The following POGLUT1 variants were observed in gnomAD, a reference collection of about 807,000 sequenced individuals.
The protein encoded by POGLUT1 is protein O-glucosyltransferase 1.
Under a neutral mutation model 61.3 loss-of-function variants are expected in POGLUT1, and 32 were observed. That is an observed-to-expected ratio of 0.52 (90% CI 0.39 to 0.70). POGLUT1 has a LOEUF of 0.70. Among genes scored for constraint, POGLUT1 ranks in the 30% least tolerant of loss-of-function variants. The probability of loss-of-function intolerance (pLI) is 0.00; values close to 1 mark genes in which losing one functional copy is unlikely to be tolerated. For synonymous variants in POGLUT1, 158 were observed against 158.2 expected, an observed-to-expected ratio of 1.00 and a Z score of 0.01; for missense variants, 411 against 469.8, an observed-to-expected ratio of 0.87 and a Z score of 1.16.
At chr3:119,485,802 G>GC (rs2081657843) in intron 6 of POGLUT1, among the ~76,000 whole-genome samples, 1 of 152,216 alleles carries the variant, frequency 6.6e-6, no homozygotes, top group African/African-American at 2.4e-5. Flanking sequence ...CCCTGTGGCT[G>GC]CCAAATAGTG....
intron 3 of POGLUT1, among the ~76,000 whole-genome samples, chr3:119,474,799 A>G (rs1203729387): frequency 6.6e-6 from 1 of 152,198 alleles, no homozygotes; most frequent in Non-Finnish European, 1.5e-5. Flanking sequence ...AGACCACGCC[A>G]TTACACTCCA....
chr3:119,469,859 C>G lies in POGLUT1; in HGVS notation c.125C>G (p.Ser42Cys), dbSNP rs2081449127. 6 of 1,607,514 alleles carry G rather than the reference C, an allele frequency of 3.7e-6. No individual in the cohort carries two copies. Among genetic ancestry groups the G allele is most frequent in the Non-Finnish European group, 5.1e-6 (6 of 1,173,974 alleles). The change falls in exon 2 of 11, where the codon TCT becomes TGT. Residue 42 changes from serine to cysteine, a missense_variant. By Grantham distance (112) the Ser-to-Cys change is moderately radical. Coordinates refer to ENST00000295588, the MANE Select transcript of POGLUT1 (RefSeq NM_152305.3). ...GTATTTATTGACCAAATTAACAGGTCTTTGGAGAATTACGAACCATGTTCA... is the reference window on the plus strand; with the variant it reads ...GTATTTATTGACCAAATTAACAGGTGTTTGGAGAATTACGAACCATGTTCA... ...WKVFIDQINR[S>C]LENYEPCSSQ...
intron 3 of POGLUT1, among the ~76,000 whole-genome samples, chr3:119,473,765 A>G (rs2081504325): frequency 6.6e-6 from 1 of 150,414 alleles, no homozygotes; most frequent in Non-Finnish European, 1.5e-5. Context: ...GGTTCAAGCC[A>G]TTCTCTTGCC....
intron 2 of POGLUT1, among the ~76,000 whole-genome samples, chr3:119,470,659 G>A (rs528200146): frequency 2.6e-4 from 40 of 152,216 alleles, no homozygotes; most frequent in Admixed American, 9.2e-4. Context: ...TGTTGGTGCC[G>A]GTACTCCCAC....
chr3:119,488,705 A>G (rs1357514189), intron 7 of POGLUT1: 2 of 333,838 alleles, frequency 6.0e-6, no homozygotes, highest in Non-Finnish European at 5.6e-6. Context: ...GGCCCTGGTT[A>G]AAACTCTGTC....
intron 8 of POGLUT1, 132 bp from the exon 9 acceptor site, chr3:119,490,419 G>A: frequency 1.3e-6 from 1 of 799,944 alleles, no homozygotes; most frequent in South Asian, 1.7e-5. Context: ...ATGTGTCCTT[G>A]AAAACTCAAA....
At chr3:119,475,954 CCACACACACACACA>C (rs539140166) in intron 3 of POGLUT1, among the ~76,000 whole-genome samples, 25 of 130,914 alleles carry the variant, frequency 1.9e-4, no homozygotes, top group East Asian at 1.2e-3. Flanking sequence ...GACTGTCTCT[CCACACACACACACA>C]CACACACACA....
Position 119,490,689 on chromosome 3 carries a change from C to T in POGLUT1, c.936C>T (p.Ile312=). The change falls in exon 9 of 11, where the codon ATC becomes ATT. Residue 312 remains isoleucine (I), a synonymous_variant. Transcript: ENST00000295588. The part of the protein sequence containing the change: ...YPQLKPWVHY[I]PVKTDLSNVQ... Reference sequence around the variant, plus strand: ...AGCTGAAGCCATGGGTTCACTATATCCCAGTCAAAACAGATCTCTCCAATG... The same window carrying T: ...AGCTGAAGCCATGGGTTCACTATATTCCAGTCAAAACAGATCTCTCCAATG... 1 of 1,614,042 alleles carries T rather than the reference C, an allele frequency of 6.2e-7. No homozygotes were observed. The highest frequency in any genetic ancestry group is 1.1e-5 in the South Asian group (1 of 91,080).
At chr3:119,489,210 A>G in intron 8 of POGLUT1, 1 of 386,582 alleles carries the variant, frequency 2.6e-6, no homozygotes, top group Non-Finnish European at 4.7e-6. Context: ...GCTGCATGCT[A>G]GCTAGTAATC....
In POGLUT1 at chr3:119,491,927, G is replaced by T. The variant is rs192397188; in HGVS notation, c.1022+353G>T. 1.1e-3 allele frequency among the ~76,000 whole-genome samples: 167 copies of T among 152,264 alleles called. No individual in the cohort carries two copies. The South Asian group carries it at 0.021, about 19-fold the overall frequency. On this transcript the variant is annotated intron_variant, in intron 10 of 10. Transcript: ENST00000295588. ...AAATTAGCCGGGTGTGGTGGTGCGTGCCTGTAATCCCAGCTACTCGGGAGG... is the reference window on the plus strand; with the variant it reads ...AAATTAGCCGGGTGTGGTGGTGCGTTCCTGTAATCCCAGCTACTCGGGAGG...
intron 5 of POGLUT1, 35 bp from the exon 6 acceptor site, chr3:119,485,293 G>C (rs563696556): frequency 7.7e-7 from 1 of 1,296,500 alleles, no homozygotes; most frequent in Non-Finnish European, 1.1e-6. Context: ...AGTTGAAAAA[G>C]ATATATTGAA....
chr3:119,480,540 G>A (rs568143168), intron 5 of POGLUT1, among the ~76,000 whole-genome samples: 5 of 151,774 alleles, frequency 3.3e-5, no homozygotes, highest in African/African-American at 9.7e-5. Flanking sequence ...GAGCCACCGC[G>A]CCCAGCCTAT....
chr3:119,469,006 A>G lies in POGLUT1; in HGVS notation c.-16A>G. 1.2e-6 allele frequency: 2 copies of G among 1,602,358 alleles called. No homozygotes were observed. Among genetic ancestry groups the G allele is most frequent in the Admixed American group, 1.7e-5 (1 of 59,560 alleles). Reference sequence around the variant, plus strand: ...GCCAGCGCCGCAGCGGGGAATCTGCAGTAGGTCTGCCGGCGATGGAGTGGT... The same window carrying G: ...GCCAGCGCCGCAGCGGGGAATCTGCGGTAGGTCTGCCGGCGATGGAGTGGT... On this transcript the variant is annotated 5_prime_UTR_variant, in exon 1 of 11. Coordinates refer to ENST00000295588, the MANE Select transcript of POGLUT1 (RefSeq NM_152305.3).
At chr3:119,489,166 G>A (rs2081709308) in intron 8 of POGLUT1, 179 bp downstream of exon 8, 1 of 433,826 alleles carries the variant, frequency 2.3e-6, no homozygotes, top group East Asian at 3.2e-5. Context: ...GGCGACTGTA[G>A]AGAAGAATGG....
In POGLUT1 at chr3:119,493,454, G is replaced by A. The variant is rs1294831603; in HGVS notation, c.*1016G>A. 6.6e-6 allele frequency: 1 copy of A among 152,148 alleles called. No individual in the cohort carries two copies. Among genetic ancestry groups the A allele is most frequent in the Non-Finnish European group, 1.5e-5 (1 of 68,008 alleles). 9.4% of individuals were successfully genotyped at this position (152,148 alleles called of 1,614,324 possible). ...TTTGAAAAAGATGTTTTGGGTAGTAGTTTAATATCTCAGGGTGCTCTTTCT... is the reference window on the plus strand; with the variant it reads ...TTTGAAAAAGATGTTTTGGGTAGTAATTTAATATCTCAGGGTGCTCTTTCT... On this transcript the variant is annotated 3_prime_UTR_variant, in exon 11 of 11. Coordinates refer to ENST00000295588, the MANE Select transcript of POGLUT1 (RefSeq NM_152305.3).
At chr3:119,471,518 GAGGAGCCAATTC>G in intron 3 of POGLUT1, 66 bp downstream of exon 3, 1 of 1,428,388 alleles carries the variant, frequency 7.0e-7, no homozygotes, top group East Asian at 2.3e-5. Context: ...CCCTTTTATA[GAGGAGCCAATTC>G]ATGGGACTAA....
At chr3:119,478,062 T>C (rs961519684) in intron 4 of POGLUT1, 22 of 316,324 alleles carry the variant, frequency 7.0e-5, no homozygotes, top group African/African-American at 2.2e-5. Flanking sequence ...GCTTGGGGAA[T>C]TGGGGGCAAG....
chr3:119,488,967 TG>T lies in POGLUT1; in HGVS notation c.778del (p.Val260TrpfsTer15). 1.3e-6 allele frequency: 2 copies of T among 1,590,418 alleles called. No homozygotes were observed. The highest frequency in any genetic ancestry group is 1.7e-6 in the Non-Finnish European group (2 of 1,160,858). On this transcript the variant is annotated frameshift_variant, in exon 8 of 11. Coordinates refer to ENST00000295588, the MANE Select transcript of POGLUT1 (RefSeq NM_152305.3). LOFTEE classifies it high-confidence loss of function. ...AGCCAGCTGCTAAGGATGTCCATCT[TG>T]TGGATCACTGCAAATACAAGTAAGA... ...GKPAAKDVHL[V>X]DHCKYKYLFN...
chr3:119,477,335 A>G lies in POGLUT1; in HGVS notation c.343A>G (p.Ile115Val). The change falls in exon 4 of 11, where the codon ATT (isoleucine) becomes GTT (valine). Residue 115 changes from isoleucine to valine, a missense_variant. Ile to Val is a conservative substitution (Grantham distance 29, BLOSUM62 3). Transcript: ENST00000295588. ...PSRCSGVEHF[I>V]LEVIGRLPDM... ...CAGGTGTAGTGGTGTTGAGCACTTT[A>G]TTTTGGAAGTGATCGGGCGTCTCCC... 6.2e-7 allele frequency: 1 copy of G among 1,614,074 alleles called. No homozygotes were observed. Among genetic ancestry groups the G allele is most frequent in the Non-Finnish European group, 8.5e-7 (1 of 1,179,966 alleles).
Sources: allele counts gnomAD v4.1 joint callset (sites outside exome capture counted in the v4.1 genomes callset), GRCh38; gene constraint gnomAD v4.1.1; transcripts MANE v1.5; gene names NCBI Gene and HGNC (gene_info 2026-07-23, HGNC 2026-07-21).